LILRA6: variants seen among roughly 807,000 people sequenced by gnomAD.
The protein encoded by LILRA6 is leukocyte immunoglobulin like receptor A6.
LILRA6 carries 16 observed loss-of-function variants against 53.9 expected under a neutral mutation model. The observed-to-expected ratio is 0.30, with a 90% CI of 0.20 to 0.45. The LOEUF is 0.45. LILRA6 is among the 20% of genes least tolerant of loss of function. LILRA6 has a pLI of 1.00. For synonymous variants in LILRA6, 135 were observed against 256.4 expected, an observed-to-expected ratio of 0.53 and a Z score of 4.52; for missense variants, 306 against 618.6, an observed-to-expected ratio of 0.49 and a Z score of 5.36.
downstream of LILRA6, chr19:54,237,628 T>C (rs1440721481): frequency 6.6e-6 from 1 of 151,142 alleles, no homozygotes; most frequent in Admixed American, 6.6e-5. Context: ...TTTCCTGATG[T>C]GCAAGCACTA....
In LILRA6 at chr19:54,240,219, G is replaced by A. The variant is rs745591675; in HGVS notation, c.1258+55C>T. On this transcript the variant is annotated intron_variant, in intron 6 of 7. Transcript: ENST00000396365. ...ATCCCAGCCGAGAGCTCTCCTGGGGGCCTGGGCCTGAGCTGAGCCTTTGAG... is the reference window on the plus strand; with the variant it reads ...ATCCCAGCCGAGAGCTCTCCTGGGGACCTGGGCCTGAGCTGAGCCTTTGAG... 82 of 1,593,390 alleles carry A rather than the reference G, an allele frequency of 5.1e-5. 1 individual carries two copies. In the Admixed American group the frequency reaches 8.8e-4, roughly 17 times the overall value.
At position 54,242,735 on chromosome 19, in the gene LILRA6, G is replaced by T; in HGVS notation, c.17C>A (p.Ala6Glu). The stretch of plus-strand genomic sequence containing the variant: ...AATCTCACCTAGGCAGAGCAGGGCT[G>T]CGAGGGTGGGGGTCATGGCGTCTCC... Residue 6 changes from alanine (A) to glutamate (E), a missense_variant, in exon 1 of 8, where the codon GCA becomes GAA. Physicochemically the swap from Ala to Glu is moderately radical, Grantham distance 107. Coordinates refer to ENST00000396365, the Ensembl canonical transcript of LILRA6. 1.9e-6 allele frequency: 2 copies of T among 1,067,316 alleles called. 1 individual carries two copies. 66.1% of individuals were successfully genotyped at this position (1,067,316 alleles called of 1,614,324 possible). A position where few individuals can be genotyped will look rare whatever the true frequency, so the allele number is the denominator to read the frequency against.
chr19:54,239,325 A>C, intron 7 of LILRA6: 4 of 1,314,826 alleles, frequency 3.0e-6, no homozygotes, highest in African/African-American at 1.6e-5. Flanking sequence ...CTGCGTTCTT[A>C]TTCTTCCAGG....
rs752997726 is a variant in LILRA6, at chr19:54,241,898, C to T, written c.356-20G>A. ...AGGCTCCTAGGAGAGAAAGAGGCAC[C>T]ATGTTAAATGGGGCTCCCACCTCCC... is the stretch of plus-strand genomic sequence containing the variant. On this transcript the variant is annotated intron_variant, in intron 3 of 7. Transcript: ENST00000396365. 7 of 1,288,124 alleles carry T rather than the reference C, an allele frequency of 5.4e-6. No individual in the cohort carries two copies. Among genetic ancestry groups the T allele is most frequent in the Non-Finnish European group, 7.5e-6 (7 of 939,404 alleles). The allele number at this position is 1,288,124 out of a possible 1,614,324, so 79.8% of individuals were successfully genotyped here. A position where few individuals can be genotyped will look rare whatever the true frequency, so the allele number is the denominator to read the frequency against.
chr19:54,241,487 G>T (rs2078761601), intron 4 of LILRA6, 89 bp downstream of exon 4: 1 of 1,321,992 alleles, frequency 7.6e-7, no homozygotes, highest in African/African-American at 1.6e-5. Flanking sequence ...CATCACTCTG[G>T]GTCCTTTCCA....
At chr19:54,238,470 C>T (rs567390192), downstream of LILRA6, 14 of 156,348 alleles carry the variant, frequency 9.0e-5, no homozygotes, top group Non-Finnish European at 1.8e-4. Flanking sequence ...TCATTTTCAT[C>T]ATGTGAAATG....
chr19:54,239,590 TCA>T (rs2147511122), intron 7 of LILRA6: 1 of 1,133,564 alleles, frequency 8.8e-7, no homozygotes, highest in African/African-American at 1.6e-5. Context: ...GTCAGGGCCC[TCA>T]CCTGAGACCA....
At chr19:54,239,992 C>T (rs1229143532) in intron 6 of LILRA6, 41 bp from the exon 7 acceptor site, 4 of 1,531,300 alleles carry the variant, frequency 2.6e-6, no homozygotes, top group Non-Finnish European at 2.6e-6. Context: ...CGGGGGCCGT[C>T]CATGGAGTGC....
chr19:54,237,705 A>G (rs953209397), downstream of LILRA6: 1 of 150,858 alleles, frequency 6.6e-6, no homozygotes, highest in Non-Finnish European at 1.5e-5. Flanking sequence ...CCTAGAAAAT[A>G]AATGCTGCCT....
In LILRA6 at chr19:54,242,532, G is replaced by A. The variant is rs2078793397; in HGVS notation, c.57C>T (p.Thr19=). 3.7e-6 allele frequency: 4 copies of A among 1,081,360 alleles called. No homozygotes were observed. The East Asian group carries it at 9.9e-5, about 27-fold the overall frequency. 67.0% of individuals were successfully genotyped at this position (1,081,360 alleles called of 1,614,324 possible). A position where few individuals can be genotyped will look rare whatever the true frequency, so the allele number is the denominator to read the frequency against. The change falls in exon 2 of 8, where the codon ACC becomes ACT. Residue 19 remains threonine (T), a synonymous_variant. Coordinates refer to ENST00000396365, the Ensembl canonical transcript of LILRA6. Reference sequence around the variant, plus strand: ...GGACAGACTCACCTGCCTGCACGTGGGTCCTGGGGCCCAGACTCAGCCCTG... The same window carrying A: ...GGACAGACTCACCTGCCTGCACGTGAGTCCTGGGGCCCAGACTCAGCCCTG...
rs1364785195 is a variant in LILRA6, at chr19:54,242,444, C to T, written c.70+75G>A. 5 of 1,075,518 alleles carry T rather than the reference C, an allele frequency of 4.6e-6. 1 individual carries two copies. The African/African-American group carries it at 5.7e-5, about 12-fold the overall frequency. 66.6% of individuals were successfully genotyped at this position (1,075,518 alleles called of 1,614,324 possible). ...CCTCCCCACCCAGAACTGCTGTCTC[C>T]TCCCCCAGCTGCCCATGTGTGGCCC... is the stretch of plus-strand genomic sequence containing the variant. On this transcript the variant is annotated intron_variant, in intron 2 of 7. Coordinates refer to ENST00000396365, the Ensembl canonical transcript of LILRA6.
intron 7 of LILRA6, 141 bp downstream of exon 7, chr19:54,239,760 T>A: frequency 6.8e-7 from 1 of 1,464,958 alleles, no homozygotes; most frequent in South Asian, 1.2e-5. Flanking sequence ...CTCTCTGCCT[T>A]GAACCCCCCA....
exon 8 of LILRA6, chr19:54,239,084 G>T: frequency 1.2e-6 from 2 of 1,611,212 alleles, no homozygotes; most frequent in Admixed American, 3.3e-5. Context: ...TCCTTGGCGT[G>T]TGAGGCTGGG....
chr19:54,241,543 A>G (rs2078762347), intron 4 of LILRA6, 33 bp downstream of exon 4: 1 of 1,398,558 alleles, frequency 7.2e-7, no homozygotes, highest in African/African-American at 1.5e-5. Context: ...AGCTGCCCCG[A>G]AAGTGTGTTA....
chr19:54,238,787 G>A (rs922734217), exon 8 of LILRA6: 1 of 1,274,614 alleles, frequency 7.8e-7, no homozygotes, highest in African/African-American at 1.6e-5. Flanking sequence ...TGGAAGTAAG[G>A]TGGAGACCCA....
At chr19:54,240,727 T>C (rs1396268061) in intron 5 of LILRA6, 104 bp downstream of exon 5, 1 of 1,585,566 alleles carries the variant, frequency 6.3e-7, no homozygotes, top group African/African-American at 1.3e-5. Flanking sequence ...TGTCTCTCCC[T>C]CCCTTGGGAC....
At chr19:54,239,333 AG>A in intron 7 of LILRA6, 2 of 1,266,248 alleles carry the variant, frequency 1.6e-6, no homozygotes, top group Non-Finnish European at 2.1e-6. Flanking sequence ...TTATTCTTCC[AG>A]GCCTCATGAC....
In LILRA6 at chr19:54,239,491, T is replaced by G. The variant is rs1350352545; in HGVS notation, c.1310-402A>C. Reference sequence around the variant, plus strand: ...ATTTCCTCCCTCCCATGGGCTGGATTCTCCACCTTCACTCCCTTCTTTCCT... The same window carrying G: ...ATTTCCTCCCTCCCATGGGCTGGATGCTCCACCTTCACTCCCTTCTTTCCT... On this transcript the variant is annotated intron_variant, in intron 7 of 7. Coordinates refer to ENST00000396365, the Ensembl canonical transcript of LILRA6. 4.7e-6 allele frequency: 3 copies of G among 644,598 alleles called. No homozygotes were observed. In the African/African-American group the frequency reaches 5.8e-5, roughly 12 times the overall value. 39.9% of individuals were successfully genotyped at this position (644,598 alleles called of 1,614,324 possible).
chr19:54,238,918 C>T, exon 8 of LILRA6: 3 of 1,604,902 alleles, frequency 1.9e-6, no homozygotes, highest in Non-Finnish European at 2.6e-6. Flanking sequence ...CCTGAGGCTC[C>T]ACCACGCTGA....
Sources: allele counts gnomAD v4.1 joint callset, GRCh38; gene constraint gnomAD v4.1.1; transcripts MANE v1.5; gene names NCBI Gene and HGNC (gene_info 2026-07-23, HGNC 2026-07-21).